The following KIAA1217 variants were observed in gnomAD, a reference collection of about 807,000 sequenced individuals.
KIAA1217 encodes the protein sickle tail protein homolog.
Under a neutral mutation model 163.9 loss-of-function variants are expected in KIAA1217, and 88 were observed. That is an observed-to-expected ratio of 0.54 (90% CI 0.45 to 0.64). KIAA1217 has a LOEUF of 0.64. Among genes scored for constraint, KIAA1217 ranks in the 30% least tolerant of loss-of-function variants. KIAA1217 has a pLI of 0.00. For synonymous variants in KIAA1217, 903 were observed against 923.1 expected (o/e 0.98, Z 0.39); for missense variants, 2,372 against 2,475.0 (o/e 0.96, Z 0.88).
At chr10:24,075,940 AT>A (rs111465483) in intron 2 of KIAA1217, among the ~76,000 whole-genome samples, 31 of 150,512 alleles carry the variant, frequency 2.1e-4, no homozygotes, top group Admixed American at 8.6e-4. Flanking sequence ...ATGAACCTTA[AT>A]TTTTTTTTTC....
At chr10:24,135,465 C>T (rs1475715602) in intron 2 of KIAA1217, among the ~76,000 whole-genome samples, 1 of 151,908 alleles carries the variant, frequency 6.6e-6, no homozygotes, top group Non-Finnish European at 1.5e-5. Context: ...TTTGCAGGTT[C>T]CCAGTCCTCT....
At chr10:24,216,100 A>T (rs374542221) in intron 1 of KIAA1217, among the ~76,000 whole-genome samples, 1 of 152,176 alleles carries the variant, frequency 6.6e-6, no homozygotes, top group Admixed American at 6.5e-5. Flanking sequence ...AAGTGCTAGG[A>T]AAAAAACAGG....
At chr10:24,393,409 C>A (rs1591563505) in intron 3 of KIAA1217, among the ~76,000 whole-genome samples, 1 of 152,120 alleles carries the variant, frequency 6.6e-6, no homozygotes, top group African/African-American at 2.4e-5. Flanking sequence ...CTGTCTGGAG[C>A]AGGGAGGAGC....
At chr10:24,451,799 G>A (rs1321966606) in intron 5 of KIAA1217, among the ~76,000 whole-genome samples, 1 of 152,186 alleles carries the variant, frequency 6.6e-6, no homozygotes, top group Non-Finnish European at 1.5e-5. Context: ...TGTTGGCGGA[G>A]ATTGCTTTTG....
intron 1 of KIAA1217, among the ~76,000 whole-genome samples, chr10:23,748,963 T>C (rs1839578796): frequency 6.6e-6 from 1 of 152,194 alleles, no homozygotes; most frequent in African/African-American, 2.4e-5. Context: ...GTGAACTTCA[T>C]CATCACTTCT....
At chr10:23,704,639 C>T (rs997071568) in intron 1 of KIAA1217, among the ~76,000 whole-genome samples, 2 of 152,084 alleles carry the variant, frequency 1.3e-5, no homozygotes, top group Non-Finnish European at 2.9e-5. Context: ...GTCATTAATT[C>T]CTTTCTTTTT....
rs1322945104 is a variant in KIAA1217 at position 24,219,781 on chromosome 10, A to G, written c.226A>G (p.Lys76Glu). 1 of 1,613,844 alleles carries G rather than the reference A, an allele frequency of 6.2e-7. No homozygotes were observed. Among genetic ancestry groups the G allele is most frequent in the Non-Finnish European group, 8.5e-7 (1 of 1,179,926 alleles). Residue 76 changes from lysine to glutamate, a missense_variant, in exon 2 of 21, where the codon AAG becomes GAG. Physicochemically the swap from Lys to Glu is moderately conservative, Grantham distance 56 (BLOSUM62 1). Transcript: ENST00000376454. ...RHTLGGPRSS[K>E]EILGMQTSEM... ...CACCCTAGGGGGGCCCCGAAGTTCC[A>G]AGGAAATACTGGGAATGCAAACATC... is the stretch of plus-strand genomic sequence containing the variant.
intron 2 of KIAA1217, among the ~76,000 whole-genome samples, chr10:24,300,470 A>G (rs958194895): frequency 6.6e-6 from 1 of 152,062 alleles, no homozygotes; most frequent in Admixed American, 6.5e-5. Context: ...GAGTAGTATA[A>G]ATATATCCTG....
intron 2 of KIAA1217, among the ~76,000 whole-genome samples, chr10:24,194,312 C>T (rs1469626444): frequency 8.2e-6 from 1 of 122,120 alleles, no homozygotes; most frequent in Non-Finnish European, 1.7e-5. Flanking sequence ...CCCTCCCCTC[C>T]TCTCCCCTCT....
intron 14 of KIAA1217, among the ~76,000 whole-genome samples, chr10:24,530,752 G>A (rs1025312384): frequency 1.3e-5 from 2 of 152,100 alleles, no homozygotes; most frequent in South Asian, 2.1e-4. Flanking sequence ...TAAAAAATCC[G>A]CTGGGCATGG....
chr10:23,771,704 A>G (rs1361655270), intron 1 of KIAA1217, among the ~76,000 whole-genome samples: 1 of 152,188 alleles, frequency 6.6e-6, no homozygotes, highest in African/African-American at 2.4e-5. Context: ...TTACCTCAGA[A>G]GGGGAAAGAA....
chr10:24,484,542 T>C (rs61857362), intron 6 of KIAA1217, among the ~76,000 whole-genome samples: 30,200 of 151,380 alleles, frequency 0.2, 3,265 homozygotes, highest in South Asian at 0.37. Flanking sequence ...CCACCGTGTA[T>C]GGCCTATTTT....
At chr10:24,469,663 G>T (rs573163208) in intron 5 of KIAA1217, among the ~76,000 whole-genome samples, 12 of 152,264 alleles carry the variant, frequency 7.9e-5, no homozygotes, top group African/African-American at 2.9e-4. Context: ...CCAGGCTGGA[G>T]TGCAGTGGTA....
Position 24,374,784 on chromosome 10 carries a change from T to C in KIAA1217, c.355-6085T>C, listed in dbSNP as rs188180475. On this transcript the variant is annotated intron_variant, in intron 2 of 20. Transcript: ENST00000376454. ...CTTGCTGTTCTTTTTTTAAATTTTGTATTCTTCTGTTATTTTTTAGAGATG... is the reference window on the plus strand; with the variant it reads ...CTTGCTGTTCTTTTTTTAAATTTTGCATTCTTCTGTTATTTTTTAGAGATG... Among the ~76,000 whole-genome samples, 973 of 152,224 alleles carry C rather than the reference T, an allele frequency of 6.4e-3. 6 individuals carry two copies. Among genetic ancestry groups the C allele is most frequent in the Middle Eastern group, 0.014 (4 of 294 alleles).
At chr10:24,245,626 C>G (rs542035371) in intron 2 of KIAA1217, among the ~76,000 whole-genome samples, 2 of 152,166 alleles carry the variant, frequency 1.3e-5, no homozygotes, top group South Asian at 4.1e-4. Context: ...TCTCCCCTTC[C>G]CCTTCCCCTT....
intron 1 of KIAA1217, among the ~76,000 whole-genome samples, chr10:23,950,495 GA>G (rs142801142): frequency 0.041 from 5,334 of 131,004 alleles, 126 homozygotes; most frequent in Non-Finnish European, 0.054. Flanking sequence ...TACGGGAGGG[GA>G]AAAAAAAACA....
At chr10:23,992,171 G>T (rs191342604) in intron 1 of KIAA1217, among the ~76,000 whole-genome samples, 4 of 152,260 alleles carry the variant, frequency 2.6e-5, no homozygotes, top group Non-Finnish European at 4.4e-5. Context: ...TACCCATGTA[G>T]ATTTATAAGT....
chr10:24,150,662 G>A (rs2064566788), intron 2 of KIAA1217, among the ~76,000 whole-genome samples: 1 of 152,094 alleles, frequency 6.6e-6, no homozygotes, highest in Non-Finnish European at 1.5e-5. Context: ...ATAATCAACT[G>A]GATATGCAGT....
chr10:24,161,680 G>C (rs2065127277), intron 2 of KIAA1217, among the ~76,000 whole-genome samples: 1 of 152,228 alleles, frequency 6.6e-6, no homozygotes. Context: ...AGTTGACGCT[G>C]TTACCATTAT....
Sources: gnomAD v4.1 joint callset for allele counts (sites outside exome capture counted in the v4.1 genomes callset) on GRCh38, gnomAD v4.1.1 for gene constraint, MANE v1.5 for transcripts, NCBI Gene and HGNC (gene_info 2026-07-23, HGNC 2026-07-21) for gene names.